The following ESRRG variants were observed in gnomAD, a reference collection of about 807,000 sequenced individuals.
The protein encoded by ESRRG is estrogen related receptor gamma.
In ESRRG, 13 loss-of-function variants were observed where a neutral mutation model predicts 44.0. That is an observed-to-expected ratio of 0.30 (90% CI 0.19 to 0.47). The LOEUF (loss-of-function observed/expected upper bound fraction) is 0.47, where lower values mean the gene tolerates loss of function less well. Ranked by LOEUF, ESRRG falls within the 20% of genes least tolerant of loss-of-function variation. The probability of loss-of-function intolerance (pLI) is 1.00; values close to 1 mark genes in which losing one functional copy is unlikely to be tolerated. For synonymous variants in ESRRG, 215 were observed against 214.6 expected (o/e 1.00, Z -0.02); for missense variants, 395 against 580.6 (o/e 0.68, Z 3.29).
At chr1:216,762,517 GAC>G (rs1011719887) in intron 2 of ESRRG, among the ~76,000 whole-genome samples, 2 of 143,768 alleles carry the variant, frequency 1.4e-5, no homozygotes, top group African/African-American at 5.2e-5. Flanking sequence ...AGAACACATG[GAC>G]ACAGGAAGGG....
At chr1:217,068,607 C>G (rs1481039305) in intron 1 of ESRRG, among the ~76,000 whole-genome samples, 1 of 152,056 alleles carries the variant, frequency 6.6e-6, no homozygotes, top group Non-Finnish European at 1.5e-5. Context: ...TAAGTTGTGA[C>G]TTCATAAACT....
chr1:216,970,947 A>G (rs1433659521), intron 1 of ESRRG, among the ~76,000 whole-genome samples: 2 of 152,172 alleles, frequency 1.3e-5, no homozygotes, highest in East Asian at 3.9e-4. Context: ...GAATAAATCC[A>G]AGGAAGGAAG....
chr1:216,933,771 T>C (rs61818591), intron 2 of ESRRG, among the ~76,000 whole-genome samples: 12,059 of 152,232 alleles, frequency 0.079, 589 homozygotes, highest in Non-Finnish European at 0.09. Context: ...CAAGTGATTC[T>C]CTTAGTAAGA....
chr1:216,957,479 C>T lies in ESRRG; in HGVS notation c.-105-17806G>A, dbSNP rs562318722. On this transcript the variant is annotated intron_variant, in intron 1 of 7. Transcript: ENST00000359162. ...CATTACTCTCATTCTTTAAGCAAAT[C>T]TATCCTTCCCCAATATTTTACGTCT... 8.5e-5 allele frequency among the ~76,000 whole-genome samples: 13 copies of T among 152,272 alleles called. No homozygotes were observed. In the East Asian group the frequency reaches 2.5e-3, roughly 29 times the overall value.
chr1:216,557,012 A>G (rs1424070327), intron 5 of ESRRG, among the ~76,000 whole-genome samples: 2 of 152,146 alleles, frequency 1.3e-5, no homozygotes, highest in African/African-American at 2.4e-5. Context: ...CAATTTACCT[A>G]TAACTTTCAA....
intron 1 of ESRRG, among the ~76,000 whole-genome samples, chr1:216,989,256 G>A (rs2075314077): frequency 6.6e-6 from 1 of 151,728 alleles, no homozygotes; most frequent in Non-Finnish European, 1.5e-5. Flanking sequence ...AGACTAGCCT[G>A]GGCAACATGA....
At chr1:217,077,132 T>A (rs1179650743) in intron 1 of ESRRG, among the ~76,000 whole-genome samples, 1 of 152,222 alleles carries the variant, frequency 6.6e-6, no homozygotes, top group Non-Finnish European at 1.5e-5. Context: ...TTACAACAAG[T>A]CATTGCACTG....
At chr1:217,028,237 C>T (rs998199132) in intron 1 of ESRRG, among the ~76,000 whole-genome samples, 14 of 152,258 alleles carry the variant, frequency 9.2e-5, no homozygotes, top group South Asian at 2.1e-4. Flanking sequence ...ATCTCCATTA[C>T]CTCTCCATGT....
chr1:216,532,071 T>C (rs1450285371), intron 5 of ESRRG, among the ~76,000 whole-genome samples: 3 of 151,480 alleles, frequency 2.0e-5, no homozygotes, highest in Non-Finnish European at 2.9e-5. Flanking sequence ...ACATTACCTC[T>C]GGAGGCAGAG....
intron 2 of ESRRG, among the ~76,000 whole-genome samples, chr1:216,795,342 C>CTTT (rs35142972): frequency 5.7e-5 from 6 of 105,422 alleles, no homozygotes; most frequent in African/African-American, 7.9e-5. Flanking sequence ...TTTTCTTTTT[C>CTTT]TTTTTTTTTT....
chr1:216,783,797 T>G (rs2094021552), intron 2 of ESRRG, among the ~76,000 whole-genome samples: 2 of 152,136 alleles, frequency 1.3e-5, no homozygotes, highest in South Asian at 4.1e-4. Flanking sequence ...CTACTTAAGC[T>G]TTGTCCTGAC....
chr1:216,829,112 T>G (rs1445004807), intron 2 of ESRRG, among the ~76,000 whole-genome samples: 3 of 152,326 alleles, frequency 2.0e-5, no homozygotes, highest in African/African-American at 7.2e-5. Context: ...ATCGTATTGA[T>G]AGAATGGCTG....
chr1:217,002,983 G>A (rs368527062), intron 1 of ESRRG, among the ~76,000 whole-genome samples: 1 of 152,150 alleles, frequency 6.6e-6, no homozygotes, highest in East Asian at 1.9e-4. Flanking sequence ...AGCCATGAAA[G>A]CTTTTGTTAC....
chr1:217,080,219 G>C (rs700041), intron 1 of ESRRG, among the ~76,000 whole-genome samples: 145,699 of 152,286 alleles, frequency 0.96, 70,018 homozygotes, highest in East Asian at 1. Context: ...GGTACTATAT[G>C]TTAAAATTAC....
intron 1 of ESRRG, among the ~76,000 whole-genome samples, chr1:217,126,453 T>C (rs2092891723): frequency 6.6e-6 from 1 of 152,178 alleles, no homozygotes; most frequent in African/African-American, 2.4e-5. Flanking sequence ...AACTGTGCTG[T>C]ATACACCCAT....
chr1:217,046,876 C>A (rs1014543527), intron 1 of ESRRG, among the ~76,000 whole-genome samples: 1 of 148,934 alleles, frequency 6.7e-6, no homozygotes, highest in Non-Finnish European at 1.5e-5. Context: ...GTGGTGAGAT[C>A]CTGTCTCATA....
At chr1:217,048,446 A>G (rs1286547845) in intron 1 of ESRRG, among the ~76,000 whole-genome samples, 1 of 152,162 alleles carries the variant, frequency 6.6e-6, no homozygotes, top group Non-Finnish European at 1.5e-5. Context: ...TTCAGCAGCT[A>G]CAGAGTTCAA....
intron 1 of ESRRG, among the ~76,000 whole-genome samples, chr1:217,128,599 A>G (rs148987951): frequency 5.5e-4 from 84 of 152,342 alleles, no homozygotes; most frequent in African/African-American, 1.8e-3. Context: ...AATTTAAAAA[A>G]AAATAACTAC....
intron 2 of ESRRG, among the ~76,000 whole-genome samples, chr1:216,933,693 A>C (rs531540087): frequency 6.6e-6 from 1 of 152,226 alleles, no homozygotes; most frequent in East Asian, 1.9e-4. Context: ...GACTTATTAT[A>C]TGTTCATATC....
Sources: gnomAD v4.1 joint callset for allele counts (sites outside exome capture counted in the v4.1 genomes callset) on GRCh38, gnomAD v4.1.1 for gene constraint, MANE v1.5 for transcripts, NCBI Gene and HGNC (gene_info 2026-07-23, HGNC 2026-07-21) for gene names.